NLRP8: variants seen among roughly 807,000 people sequenced by gnomAD.
The protein encoded by NLRP8 is NLR family pyrin domain containing 8, also known as NACHT, LRR and PYD domains-containing protein 8.
Under a neutral mutation model 88.7 loss-of-function variants are expected in NLRP8, and 86 were observed. The ratio of observed to expected loss-of-function variants is 0.97; its 90% CI spans 0.81 to 1.16. The LOEUF is 1.16. Ranked by LOEUF, NLRP8 falls within the 50% of genes most tolerant of loss-of-function variation. The pLI is 0.00. For missense variants in NLRP8, 1,342 were observed against 1,286.5 expected (o/e 1.04, Z -0.66); for synonymous variants, 504 against 494.6 (o/e 1.02, Z -0.25).
chr19:55,966,970 T>C (rs1313745890), intron 5 of NLRP8, among the ~76,000 whole-genome samples: 1 of 152,216 alleles, frequency 6.6e-6, no homozygotes, highest in Admixed American at 6.5e-5. Flanking sequence ...TATATATTTA[T>C]GGGGTACGTA....
At chr19:55,949,098 G>A (rs556503563) in intron 1 of NLRP8, among the ~76,000 whole-genome samples, 1 of 152,282 alleles carries the variant, frequency 6.6e-6, no homozygotes, top group East Asian at 1.9e-4. Context: ...ACAGTACACT[G>A]AGATATTCTG....
chr19:55,967,831 A>G (rs1321413023), intron 5 of NLRP8, among the ~76,000 whole-genome samples: 1 of 152,244 alleles, frequency 6.6e-6, no homozygotes, highest in East Asian at 1.9e-4. Context: ...TTACAAATAT[A>G]TTAAACAACA....
In NLRP8 at chr19:55,955,319, C is replaced by A; in HGVS notation, c.1261C>A (p.Pro421Thr). The change falls in exon 3 of 10, where the codon CCA becomes ACA. Residue 421 changes from proline (P) to threonine (T), a missense_variant. Physicochemically the swap from Pro to Thr is conservative, Grantham distance 38. Transcript: ENST00000291971. ...AGGAAACAATCTCACACAGTCATGT[C>A]CAAATGCCACCTCTGTGTTCGTCCG... 5 of 1,614,146 alleles carry A rather than the reference C, an allele frequency of 3.1e-6. No homozygotes were observed. Among genetic ancestry groups the A allele is most frequent in the Non-Finnish European group, 4.2e-6 (5 of 1,180,034 alleles).
At chr19:55,987,372 G>A (rs1050285201) in intron 9 of NLRP8, among the ~76,000 whole-genome samples, 5 of 152,224 alleles carry the variant, frequency 3.3e-5, no homozygotes, top group Admixed American at 2.6e-4. Flanking sequence ...TTCGTCTCAA[G>A]TAAAAATTAA....
chr19:55,965,663 T>G (rs1020308104), intron 4 of NLRP8, among the ~76,000 whole-genome samples: 8 of 151,702 alleles, frequency 5.3e-5, no homozygotes, highest in Admixed American at 5.3e-4. Flanking sequence ...TTTTTAAATT[T>G]TTTTTATTAT....
chr19:55,957,673 TTATATATATATATATA>T (rs10523999), intron 3 of NLRP8, among the ~76,000 whole-genome samples: 2,879 of 30,830 alleles, frequency 0.093, 77 homozygotes, highest in Non-Finnish European at 0.11. Context: ...AAAATAATAA[TTATATATATATATATA>T]TATATATATA....
Position 55,970,556 on chromosome 19 carries a change from C to G in NLRP8, c.2394C>G (p.Cys798Trp), listed in dbSNP as rs1980029074. 1 of 1,614,096 alleles carries G rather than the reference C, an allele frequency of 6.2e-7. No homozygotes were observed. The highest frequency in any genetic ancestry group is 1.6e-4 in the Middle Eastern group (1 of 6,062). Residue 798 changes from cysteine to tryptophan, a missense_variant, in exon 6 of 10, where the codon TGC becomes TGG. Transcript: ENST00000291971. ...CTGGCTTCTACAGGTTGGAAGACTG[C>G]TTGGCCACCCCTAGAATTTGGACTG...
chr19:55,950,598 T>C (rs1349954105), intron 1 of NLRP8, among the ~76,000 whole-genome samples: 2 of 152,250 alleles, frequency 1.3e-5, no homozygotes, highest in African/African-American at 2.4e-5. Flanking sequence ...AAAATCGAGC[T>C]GACCTCCTAG....
chr19:55,984,492 T>C (rs1980715904), intron 9 of NLRP8, among the ~76,000 whole-genome samples: 1 of 149,680 alleles, frequency 6.7e-6, no homozygotes, highest in African/African-American at 2.5e-5. Context: ...CCGTCTCTAC[T>C]AAAAATACAA....
In NLRP8 at chr19:55,948,248, G is replaced by C. The variant is rs306506; in HGVS notation, c.346G>C (p.Val116Leu). Residue 116 changes from valine to leucine, a missense_variant, in exon 1 of 10, where the codon GTA (valine) becomes CTA (leucine). Coordinates refer to ENST00000291971, the MANE Select transcript of NLRP8 (RefSeq NM_176811.2). Reference sequence around the variant, plus strand: ...TATGAACTGTGATAAAATGTGTGTTGTAGTCCGCAGAGAGATAAATGGTGA... The same window carrying C: ...TATGAACTGTGATAAAATGTGTGTTCTAGTCCGCAGAGAGATAAATGGTGA... 0.61 allele frequency: 986,814 copies of C among 1,612,832 alleles called. 305,537 individuals are homozygous for C. Among genetic ancestry groups the C allele is most frequent in the East Asian group, 0.81 (36,394 of 44,844 alleles).
chr19:55,971,768 T>C (rs977096339), intron 6 of NLRP8, among the ~76,000 whole-genome samples: 1 of 152,158 alleles, frequency 6.6e-6, no homozygotes, highest in African/African-American at 2.4e-5. Flanking sequence ...AGTGTACGAA[T>C]TGGCCAGAGC....
At chr19:55,973,593 C>A (rs1203610946) in intron 6 of NLRP8, 59 bp from the exon 7 acceptor site, 3 of 1,464,474 alleles carry the variant, frequency 2.0e-6, no homozygotes. Flanking sequence ...GAAGATCACC[C>A]TTCTGTGTGA....
rs1421433217 is a variant in NLRP8 at position 55,973,732 on chromosome 19, T to C, written c.2615T>C (p.Leu872Pro). 1 of 1,614,090 alleles carries C rather than the reference T, an allele frequency of 6.2e-7. No individual in the cohort carries two copies. The highest frequency in any genetic ancestry group is 2.2e-5 in the East Asian group (1 of 44,878). ...AGGCAGAGTAAGATGCTGACCCACC[T>C]GAGCTTGGCAGAAAACGCCTTGAAA... The change falls in exon 7 of 10, where the codon CTG becomes CCG. Residue 872 changes from leucine (L) to proline (P), a missense_variant. Physicochemically the swap from Leu to Pro is moderately conservative, Grantham distance 98. Transcript: ENST00000291971.
At position 55,955,809 on chromosome 19, in the gene NLRP8, A is replaced by C. The variant is rs1846881816; in HGVS notation, c.1751A>C (p.Lys584Thr). 1.2e-6 allele frequency: 2 copies of C among 1,614,176 alleles called. No individual in the cohort carries two copies. Among genetic ancestry groups the C allele is most frequent in the East Asian group, 2.2e-5 (1 of 44,878 alleles). The change falls in exon 3 of 10, where the codon AAG becomes ACG. Residue 584 changes from lysine to threonine, a missense_variant. Lys to Thr is a moderately conservative substitution (Grantham distance 78). Transcript: ENST00000291971. ...CAATGCAAGGTGTCTTTCGGTAATA[A>C]GAGGAAACTGCTGAAAGTCATACCT...
intron 1 of NLRP8, among the ~76,000 whole-genome samples, chr19:55,948,589 C>G (rs932112931): frequency 2.0e-5 from 3 of 152,144 alleles, no homozygotes; most frequent in African/African-American, 7.2e-5. Flanking sequence ...GCACCCACCA[C>G]CATGCCTGGG....
Position 55,954,657 on chromosome 19 carries a change from G to A in NLRP8, c.599G>A (p.Gly200Asp), listed in dbSNP as rs750363450. The A allele has an allele frequency of 1.9e-6, 3 of 1,614,190 alleles. No homozygotes were observed. The highest frequency in any genetic ancestry group is 2.7e-5 in the African/African-American group (2 of 75,046). Residue 200 changes from glycine to aspartate, a missense_variant, in exon 3 of 10, where the codon GGT becomes GAT. By Grantham distance (94) the Gly-to-Asp change is moderately conservative. Transcript: ENST00000291971. ...CTGCTTCTGCCCAAAAGACCCCAGG[G>A]TAGACAGCCCAAGACCGTGGCCATA...
At position 55,966,667 on chromosome 19, in the gene NLRP8, A is replaced by C. The variant is rs144817260; in HGVS notation, c.2381+287A>C. 1.2e-3 allele frequency among the ~76,000 whole-genome samples: 187 copies of C among 152,114 alleles called. 1 individual carries two copies. Among genetic ancestry groups the C allele is most frequent in the African/African-American group, 4.4e-3 (184 of 41,506 alleles). ...AAATTAGCCAGCGTGGTGGCAGGCT[A>C]ATCTCAGCTACTGTAATTACGGGCT... On this transcript the variant is annotated intron_variant, in intron 5 of 9. Coordinates refer to ENST00000291971, the MANE Select transcript of NLRP8 (RefSeq NM_176811.2).
chr19:55,964,288 C>G (rs542381510), intron 4 of NLRP8, among the ~76,000 whole-genome samples: 12 of 152,318 alleles, frequency 7.9e-5, no homozygotes, highest in African/African-American at 2.9e-4. Context: ...TTCTCACAGC[C>G]ATTCTAAGGA....
rs764631988 is a variant in NLRP8 at position 55,966,266 on chromosome 19, C to A, written c.2267C>A (p.Thr756Lys). 6 of 1,614,064 alleles carry A rather than the reference C, an allele frequency of 3.7e-6. No individual in the cohort carries two copies. The East Asian group carries it at 1.3e-4, about 36-fold the overall frequency. Reference sequence around the variant, plus strand: ...AACCAGGACTTAATCGGTGTTTTGACGGGGAACCAGCATCTGAGATACTTG... The same window carrying A: ...AACCAGGACTTAATCGGTGTTTTGAAGGGGAACCAGCATCTGAGATACTTG... Residue 756 changes from threonine (T) to lysine (K), a missense_variant, in exon 5 of 10, where the codon ACG becomes AAG. Physicochemically the swap from Thr to Lys is moderately conservative, Grantham distance 78. Transcript: ENST00000291971.
Sources: gnomAD v4.1 joint callset for allele counts (sites outside exome capture counted in the v4.1 genomes callset) on GRCh38, gnomAD v4.1.1 for gene constraint, MANE v1.5 for transcripts, NCBI Gene and HGNC (gene_info 2026-07-23, HGNC 2026-07-21) for gene names.